CCSER1: variants seen among roughly 807,000 people sequenced by gnomAD.
CCSER1 encodes the protein coiled-coil serine rich protein 1.
Under a neutral mutation model 82.0 loss-of-function variants are expected in CCSER1, and 41 were observed. That is an observed-to-expected ratio of 0.50 (90% CI 0.39 to 0.65). The LOEUF (loss-of-function observed/expected upper bound fraction) is 0.65, where lower values mean the gene tolerates loss of function less well. CCSER1 is among the 30% of genes least tolerant of loss of function. The pLI is 0.00. For synonymous variants in CCSER1, 414 were observed against 383.9 expected, an observed-to-expected ratio of 1.08 and a Z score of -0.92; for missense variants, 1,119 against 1,064.2, an observed-to-expected ratio of 1.05 and a Z score of -0.72.
intron 6 of CCSER1, among the ~76,000 whole-genome samples, chr4:90,652,221 T>C (rs1221416977): frequency 1.3e-5 from 2 of 152,178 alleles, no homozygotes; most frequent in South Asian, 2.1e-4. Context: ...TATTTAAATG[T>C]AATAAAAACA....
chr4:90,326,426 A>G (rs943190543), intron 3 of CCSER1, among the ~76,000 whole-genome samples: 1 of 151,630 alleles, frequency 6.6e-6, no homozygotes, highest in African/African-American at 2.4e-5. Context: ...CACTTTTATA[A>G]TCTCATTCAT....
intron 8 of CCSER1, among the ~76,000 whole-genome samples, chr4:90,895,474 G>A (rs1723569512): frequency 6.6e-6 from 1 of 151,862 alleles, no homozygotes; most frequent in Non-Finnish European, 1.5e-5. Context: ...AAGAATAAAT[G>A]GAAGTCACAA....
intron 10 of CCSER1, among the ~76,000 whole-genome samples, chr4:91,521,429 G>A (rs1455861666): frequency 6.6e-6 from 1 of 152,112 alleles, no homozygotes; most frequent in African/African-American, 2.4e-5. Flanking sequence ...GGTATTTCTA[G>A]TTCTAGATCC....
chr4:90,495,634 A>G (rs1768867309), intron 5 of CCSER1, among the ~76,000 whole-genome samples: 1 of 152,202 alleles, frequency 6.6e-6, no homozygotes, highest in Non-Finnish European at 1.5e-5. Context: ...AAGAAATTGC[A>G]AGTAATTATA....
intron 9 of CCSER1, among the ~76,000 whole-genome samples, chr4:91,074,708 G>A (rs200334182): frequency 6.6e-6 from 1 of 152,210 alleles, no homozygotes; most frequent in East Asian, 1.9e-4. Context: ...AAGAGGTTGA[G>A]CTACAGTTAT....
chr4:90,741,507 A>T (rs1342075236), intron 7 of CCSER1, among the ~76,000 whole-genome samples: 6 of 152,320 alleles, frequency 3.9e-5, no homozygotes, highest in African/African-American at 1.4e-4. Flanking sequence ...CGTGATATAT[A>T]CATCAGATAC....
At chr4:90,145,599 A>C (rs1371184178) in intron 1 of CCSER1, among the ~76,000 whole-genome samples, 2 of 152,100 alleles carry the variant, frequency 1.3e-5, no homozygotes, top group Admixed American at 1.3e-4. Flanking sequence ...CTGGCTATAG[A>C]TGCCTAAACT....
intron 10 of CCSER1, among the ~76,000 whole-genome samples, chr4:91,586,693 C>T (rs1263896972): frequency 6.6e-6 from 1 of 151,670 alleles, no homozygotes; most frequent in African/African-American, 2.4e-5. Flanking sequence ...ACTGAAGCAA[C>T]CAAAGAAGGC....
intron 10 of CCSER1, among the ~76,000 whole-genome samples, chr4:91,199,303 T>C (rs1179550535): frequency 6.6e-6 from 1 of 151,416 alleles, no homozygotes; most frequent in Non-Finnish European, 1.5e-5. Context: ...AGGTGGCCAG[T>C]TAAAAAGAAA....
chr4:91,316,733 A>G (rs966155431), intron 10 of CCSER1, among the ~76,000 whole-genome samples: 18 of 151,982 alleles, frequency 1.2e-4, no homozygotes, highest in African/African-American at 3.4e-4. Context: ...TGTCCTTAAC[A>G]CAGTGTGATC....
chr4:90,650,139 C>G (rs932281083), intron 6 of CCSER1, among the ~76,000 whole-genome samples: 1 of 152,064 alleles, frequency 6.6e-6, no homozygotes, highest in African/African-American at 2.4e-5. Context: ...GTTGCTTGAA[C>G]CTGGGAGGGA....
chr4:90,367,811 C>T (rs1020872176), intron 3 of CCSER1, among the ~76,000 whole-genome samples: 24 of 151,712 alleles, frequency 1.6e-4, no homozygotes, highest in Admixed American at 3.3e-4. Context: ...AAAGGACAAA[C>T]TAGATGGACA....
chr4:90,791,186 G>T (rs1755180036), intron 7 of CCSER1, among the ~76,000 whole-genome samples: 1 of 152,046 alleles, frequency 6.6e-6, no homozygotes, highest in Admixed American at 6.6e-5. Flanking sequence ...AGGCTACCAT[G>T]GGGGGAAACT....
intron 7 of CCSER1, among the ~76,000 whole-genome samples, chr4:90,806,051 G>A (rs1010940191): frequency 3.3e-5 from 5 of 152,134 alleles, no homozygotes; most frequent in Non-Finnish European, 7.4e-5. Context: ...GGTTGGTGCA[G>A]AAGCAATTGC....
intron 3 of CCSER1, chr4:90,325,508 G>T: frequency 5.1e-6 from 1 of 194,376 alleles, no homozygotes; most frequent in South Asian, 7.5e-5. Context: ...AATTTTCCGT[G>T]AGAGGACAAC....
chr4:90,314,866 A>C, intron 3 of CCSER1, among the ~76,000 whole-genome samples: 1 of 22,366 alleles, frequency 4.5e-5, no homozygotes, highest in African/African-American at 1.3e-4. Flanking sequence ...TTTTTTTTTG[A>C]GACAGAGTCT....
intron 10 of CCSER1, among the ~76,000 whole-genome samples, chr4:91,323,116 C>G (rs549930700): frequency 6.6e-6 from 1 of 152,120 alleles, no homozygotes; most frequent in Non-Finnish European, 1.5e-5. Flanking sequence ...CAGAAACATG[C>G]GGGCTGGACT....
intron 8 of CCSER1, among the ~76,000 whole-genome samples, chr4:90,877,160 G>T (rs1767317900): frequency 6.6e-6 from 1 of 152,084 alleles, no homozygotes; most frequent in African/African-American, 2.4e-5. Context: ...TGCCTTATAA[G>T]GTGCAGGTAA....
chr4:91,418,157 T>G (rs893627307), intron 10 of CCSER1, among the ~76,000 whole-genome samples: 7 of 151,642 alleles, frequency 4.6e-5, no homozygotes, highest in African/African-American at 1.7e-4. Context: ...ACAACTTAAA[T>G]TCACACCTGA....
Sources: gnomAD v4.1 joint callset for allele counts (sites outside exome capture counted in the v4.1 genomes callset) on GRCh38, gnomAD v4.1.1 for gene constraint, MANE v1.5 for transcripts, NCBI Gene and HGNC (gene_info 2026-07-23, HGNC 2026-07-21) for gene names.